Variants in TENM1 observed in about 807,000 individuals in gnomAD.
TENM1 encodes the protein teneurin-1.
A neutral mutation model predicts 174.8 loss-of-function variants in TENM1; 35 were observed. That is an observed-to-expected ratio of 0.20 (90% CI 0.15 to 0.27). The LOEUF is 0.27. TENM1 is among the 10% of genes least tolerant of loss of function. The probability of loss-of-function intolerance (pLI) is 1.00; values close to 1 mark genes in which losing one functional copy is unlikely to be tolerated. For missense variants in TENM1, 1,633 were observed against 2,130.1 expected, an observed-to-expected ratio of 0.77 and a Z score of 4.59; for synonymous variants, 781 against 798.7, an observed-to-expected ratio of 0.98 and a Z score of 0.37.
At chrX:124,453,620 C>T in intron 22 of TENM1, 129 bp from the exon 26 acceptor site, 1 of 514,603 alleles carries the variant, frequency 1.9e-6, no homozygotes, top group Non-Finnish European at 3.0e-6. Context: ...TTGCTCAGCA[C>T]AGACAGGACA....
the TENM1 span, among the ~76,000 whole-genome samples, chrX:125,143,573 G>C: frequency 1.8e-5 from 2 of 111,524 alleles, no homozygotes; most frequent in African/African-American, 6.5e-5. Flanking sequence ...ATAGCAGCTA[G>C]CATAAGAGAT....
chrX:124,717,883 T>C (rs1391509159), intron 4 of TENM1, among the ~76,000 whole-genome samples: 1 of 112,338 alleles, frequency 8.9e-6, no homozygotes, highest in Non-Finnish European at 1.9e-5. Flanking sequence ...GAAATCTTAA[T>C]AGTAAGTATC....
the TENM1 span, among the ~76,000 whole-genome samples, chrX:125,026,256 T>A: frequency 2.8e-5 from 3 of 106,071 alleles, no homozygotes; most frequent in Non-Finnish European, 3.9e-5. Flanking sequence ...AATGATAAAA[T>A]CATAAAATAA....
intron 28 of TENM1, 23 bp from the exon 32 acceptor site, chrX:124,386,087 T>C: frequency 8.6e-7 from 1 of 1,158,347 alleles, no homozygotes; most frequent in South Asian, 2.0e-5. Context: ...AAAGGCAGAA[T>C]AGCATATTAT....
intron 3 of TENM1, among the ~76,000 whole-genome samples, chrX:124,868,387 G>T (rs2057046591): frequency 9.0e-6 from 1 of 111,446 alleles, no homozygotes. Context: ...GAAAGGACAG[G>T]CACGTCAATA....
At chrX:125,100,534 T>C in the TENM1 span, among the ~76,000 whole-genome samples, 4 of 112,220 alleles carry the variant, frequency 3.6e-5, no homozygotes, top group Non-Finnish European at 7.5e-5. Flanking sequence ...ATTGGGTGCC[T>C]TAATGTTGTA....
the TENM1 span, among the ~76,000 whole-genome samples, chrX:125,017,922 ATGGGTTGATGGGTGCAGCAAACCAC>A: frequency 4.5e-5 from 5 of 111,470 alleles, no homozygotes; most frequent in South Asian, 1.5e-3. Context: ...AATGTAGAGG[ATGGGTTGATGGGTGCAGCAAACCAC>A]TGTGGCACGT....
the TENM1 span, among the ~76,000 whole-genome samples, chrX:125,162,490 G>T: frequency 5.4e-5 from 6 of 111,398 alleles, no homozygotes; most frequent in African/African-American, 2.0e-4. Context: ...AGCCTATTCA[G>T]CTTTTCTGCA....
the TENM1 span, among the ~76,000 whole-genome samples, chrX:125,155,252 C>T: frequency 8.9e-6 from 1 of 112,087 alleles, no homozygotes; most frequent in East Asian, 2.8e-4. Flanking sequence ...TCGATTGGTG[C>T]ATTCACAAAC....
At chrX:125,050,067 T>G in the TENM1 span, among the ~76,000 whole-genome samples, 1 of 109,731 alleles carries the variant, frequency 9.1e-6, no homozygotes, top group Non-Finnish European at 1.9e-5. Flanking sequence ...CTTATTCATG[T>G]TTTCTTGTAG....
chrX:124,497,117 G>A (rs773741206), exon 20 of TENM1: 8 of 1,210,136 alleles, frequency 6.6e-6, no homozygotes, highest in South Asian at 1.8e-5. Flanking sequence ...AAGCTAAGGC[G>A]ACAGGAGCAA....
At chrX:124,905,474 A>G (rs1309171025) in intron 1 of TENM1, among the ~76,000 whole-genome samples, 1 of 112,072 alleles carries the variant, frequency 8.9e-6, no homozygotes, top group Non-Finnish European at 1.9e-5. Flanking sequence ...GACAGCAACC[A>G]AATTTATTCT....
the TENM1 span, among the ~76,000 whole-genome samples, chrX:125,124,180 T>C: frequency 8.9e-6 from 1 of 112,551 alleles, no homozygotes; most frequent in Admixed American, 9.4e-5. Context: ...AATTGTGTAG[T>C]TCCAAGTATT....
At chrX:124,991,638 C>T in the TENM1 span, among the ~76,000 whole-genome samples, 1 of 110,593 alleles carries the variant, frequency 9.0e-6, no homozygotes, top group Admixed American at 9.6e-5. Flanking sequence ...ATTTGTACTA[C>T]TTTTCCTGCT....
intron 3 of TENM1, among the ~76,000 whole-genome samples, chrX:124,819,870 G>A (rs188880510): frequency 6.5e-5 from 7 of 107,187 alleles, no homozygotes; most frequent in South Asian, 4.3e-4. Flanking sequence ...ATCTGGGCTC[G>A]CTGCAACCTC....
the TENM1 span, among the ~76,000 whole-genome samples, chrX:125,051,453 G>A: frequency 0.082 from 9,053 of 110,230 alleles, 986 homozygotes; most frequent in African/African-American, 0.28. Flanking sequence ...ATACTACAAG[G>A]CTACAGTAAC....
intron 3 of TENM1, among the ~76,000 whole-genome samples, chrX:124,844,780 C>T (rs2056574893): frequency 9.0e-6 from 1 of 111,654 alleles, no homozygotes; most frequent in Non-Finnish European, 1.9e-5. Flanking sequence ...TAGGGACGTA[C>T]CTTCAGTTAA....
At chrX:124,590,257 A>G (rs1052068747) in intron 11 of TENM1, among the ~76,000 whole-genome samples, 2 of 111,476 alleles carry the variant, frequency 1.8e-5, no homozygotes, top group African/African-American at 6.5e-5. Flanking sequence ...AAATCTCCTT[A>G]AGCTGATAAG....
chrX:124,673,415 G>A (rs187632644), intron 5 of TENM1, among the ~76,000 whole-genome samples: 174 of 111,578 alleles, frequency 1.6e-3, no homozygotes, highest in African/African-American at 5.3e-3. Context: ...AGAATTTTTC[G>A]GATGATTAAT....
Sources: allele counts gnomAD v4.1 joint callset (sites outside exome capture counted in the v4.1 genomes callset), GRCh38; gene constraint gnomAD v4.1.1; transcripts MANE v1.5; gene names NCBI Gene and HGNC (gene_info 2026-07-23, HGNC 2026-07-21).